Variants in TRPA1 observed in about 807,000 individuals in gnomAD.
The protein encoded by TRPA1 is transient receptor potential cation channel subfamily A member 1, also known as ankyrin-like with transmembrane domains 1.
In TRPA1, 129 loss-of-function variants were observed where a neutral mutation model predicts 131.3. The ratio of observed to expected loss-of-function variants is 0.98; its 90% CI spans 0.85 to 1.14. The LOEUF is 1.14. Ranked by LOEUF, TRPA1 falls within the 50% of genes most tolerant of loss-of-function variation. The pLI, the probability that TRPA1 is intolerant of heterozygous loss-of-function variation, is 0.00. For synonymous variants in TRPA1, 441 were observed against 451.7 expected (o/e 0.98, Z 0.30); for missense variants, 1,304 against 1,354.2 (o/e 0.96, Z 0.58).
At chr8:72,060,807 G>C (rs937563906) in intron 7 of TRPA1, among the ~76,000 whole-genome samples, 1 of 150,756 alleles carries the variant, frequency 6.6e-6, no homozygotes, top group African/African-American at 2.4e-5. Flanking sequence ...TGTGCCTGGT[G>C]GTTTGCTGCG....
At chr8:72,060,730 T>G (rs1805787927) in intron 7 of TRPA1, among the ~76,000 whole-genome samples, 1 of 152,178 alleles carries the variant, frequency 6.6e-6, no homozygotes, top group Non-Finnish European at 1.5e-5. Context: ...ACTAGTTTTA[T>G]GCTATTAAAT....
At chr8:72,086,683 T>G in the TRPA1 span, among the ~76,000 whole-genome samples, 1 of 152,222 alleles carries the variant, frequency 6.6e-6, no homozygotes, top group Non-Finnish European at 1.5e-5. Flanking sequence ...TTTTAGAATT[T>G]TTATATTCCT....
intron 18 of TRPA1, 74 bp downstream of exon 18, chr8:72,039,653 T>C: frequency 2.0e-6 from 2 of 983,418 alleles, no homozygotes; most frequent in East Asian, 2.4e-5. Flanking sequence ...ACCATTACAA[T>C]ATAATTGTTT....
Position 72,065,556 on chromosome 8 carries a change from G to A in TRPA1, c.447C>T (p.Val149=). 1 of 1,612,518 alleles carries A rather than the reference G, an allele frequency of 6.2e-7. No homozygotes were observed. The highest frequency in any genetic ancestry group is 8.5e-7 in the Non-Finnish European group (1 of 1,179,062). The change falls in exon 4 of 27, where the codon GTC becomes GTT. Residue 149 remains valine, a splice_region_variant and synonymous_variant. Coordinates refer to ENST00000262209, the MANE Select transcript of TRPA1 (RefSeq NM_007332.3). ...CATCAATAGTTCTATGCTCAAGCAA[G>A]ACCTAAAAAAAGGGGAGAATAATTG... ...VQGMNNEVMK[V]LLEHRTIDVN...
chr8:72,047,449 TA>T (rs1194222829), intron 15 of TRPA1, among the ~76,000 whole-genome samples: 1 of 152,116 alleles, frequency 6.6e-6, no homozygotes, highest in African/African-American at 2.4e-5. Context: ...TACTTGAGAA[TA>T]AAATTGCATG....
At chr8:72,081,023 ACTTTT>A in the TRPA1 span, among the ~76,000 whole-genome samples, 1 of 150,858 alleles carries the variant, frequency 6.6e-6, no homozygotes, top group African/African-American at 2.4e-5. Context: ...TTGTTTCTCT[ACTTTT>A]GTTTCATTTT....
chr8:72,067,677 T>C (rs1805963399), intron 3 of TRPA1, among the ~76,000 whole-genome samples: 1 of 152,190 alleles, frequency 6.6e-6, no homozygotes, highest in African/African-American at 2.4e-5. Context: ...CAGAGCTCCA[T>C]GAGGAAATAT....
At chr8:72,082,485 T>C in the TRPA1 span, among the ~76,000 whole-genome samples, 1 of 152,116 alleles carries the variant, frequency 6.6e-6, no homozygotes, top group Non-Finnish European at 1.5e-5. Context: ...TTTGAGTTAC[T>C]GTCTGCTACT....
chr8:72,039,826 ACACAAT>A lies in TRPA1; in HGVS notation c.2062-35_2062-30del, dbSNP rs781360972. 2.3e-5 allele frequency: 33 copies of A among 1,433,184 alleles called. No homozygotes were observed. In the African/African-American group the frequency reaches 4.3e-4, roughly 19 times the overall value. 88.8% of individuals were successfully genotyped at this position (1,433,184 alleles called of 1,614,324 possible). A position where few individuals can be genotyped will look rare whatever the true frequency, so the allele number is the denominator to read the frequency against. On this transcript the variant is annotated intron_variant, in intron 17 of 26. Coordinates refer to ENST00000262209, the MANE Select transcript of TRPA1 (RefSeq NM_007332.3). ...AGAAATAAAAAAAAGTGTAATAAAA[ACACAAT>A]CATAATCAACTACTGAGTATAAACT...
chr8:72,070,889 T>C (rs1225161929), intron 2 of TRPA1, among the ~76,000 whole-genome samples: 2 of 152,224 alleles, frequency 1.3e-5, no homozygotes, highest in Non-Finnish European at 2.9e-5. Flanking sequence ...TGAAACTCAC[T>C]GTGACCAAAT....
chr8:72,053,057 G>T (rs1193532146), intron 13 of TRPA1: 2 of 351,182 alleles, frequency 5.7e-6, no homozygotes, highest in Non-Finnish European at 5.4e-6. Flanking sequence ...GAATTCCAAG[G>T]CATTTGTTTT....
chr8:72,052,925 T>C, intron 13 of TRPA1, 160 bp from the exon 14 acceptor site: 2 of 747,818 alleles, frequency 2.7e-6, no homozygotes, highest in Non-Finnish European at 4.4e-6. Context: ...AATGAGTTTA[T>C]AGTTCTAGCA....
rs1049812827 is a variant in TRPA1 at position 72,056,102 on chromosome 8, C to T, written c.1195-247G>A. 5 of 540,378 alleles carry T rather than the reference C, an allele frequency of 9.3e-6. No homozygotes were observed. In the East Asian group the frequency reaches 1.6e-4, roughly 17 times the overall value. 33.5% of individuals were successfully genotyped at this position (540,378 alleles called of 1,614,324 possible). A position where few individuals can be genotyped will look rare whatever the true frequency, so the allele number is the denominator to read the frequency against. Reference sequence around the variant, plus strand: ...GTATTAAAGGATCTGAGAGATCATGCCAATAGGAAAATGTACTTAACATTT... The same window carrying T: ...GTATTAAAGGATCTGAGAGATCATGTCAATAGGAAAATGTACTTAACATTT... On this transcript the variant is annotated intron_variant, in intron 10 of 26. Transcript: ENST00000262209.
chr8:72,087,039 G>C, the TRPA1 span, among the ~76,000 whole-genome samples: 1 of 151,958 alleles, frequency 6.6e-6, no homozygotes, highest in Non-Finnish European at 1.5e-5. Context: ...TTTTTTTATA[G>C]GAAGAAATTT....
intron 13 of TRPA1, chr8:72,053,376 A>C: frequency 3.4e-6 from 1 of 293,832 alleles, no homozygotes. Context: ...AAGGAAAGAC[A>C]TAATAGCACA....
At chr8:72,088,612 A>G in the TRPA1 span, among the ~76,000 whole-genome samples, 1 of 152,126 alleles carries the variant, frequency 6.6e-6, no homozygotes, top group Non-Finnish European at 1.5e-5. Context: ...GTTCATTGAG[A>G]GTCTACTACT....
At chr8:72,077,753 T>C (rs1806217607), upstream of TRPA1, among the ~76,000 whole-genome samples, 1 of 152,116 alleles carries the variant, frequency 6.6e-6, no homozygotes, top group African/African-American at 2.4e-5. Flanking sequence ...CAAGATTAAT[T>C]GCAAATCTTG....
At chr8:72,053,726 G>A in intron 13 of TRPA1, 27 bp downstream of exon 13, 2 of 1,545,262 alleles carry the variant, frequency 1.3e-6, no homozygotes, top group Non-Finnish European at 1.8e-6. Context: ...TGAGATTTTG[G>A]GTAAGCATGA....
chr8:72,063,664 C>A, intron 4 of TRPA1, 93 bp from the exon 5 acceptor site: 1 of 796,164 alleles, frequency 1.3e-6, no homozygotes, highest in Non-Finnish European at 2.2e-6. Flanking sequence ...TATCATTTTA[C>A]TATTATATGT....
Sources: allele counts gnomAD v4.1 joint callset (sites outside exome capture counted in the v4.1 genomes callset), GRCh38; gene constraint gnomAD v4.1.1; transcripts MANE v1.5; gene names NCBI Gene and HGNC (gene_info 2026-07-23, HGNC 2026-07-21).